ZFHX4: variants seen among roughly 807,000 people sequenced by gnomAD.
ZFHX4 encodes zinc finger homeobox protein 4.
A neutral mutation model predicts 267.6 loss-of-function variants in ZFHX4; 56 were observed. The ratio of observed to expected loss-of-function variants is 0.21; its 90% CI spans 0.17 to 0.26. ZFHX4 has a LOEUF of 0.26. Ranked by LOEUF, ZFHX4 falls within the 10% of genes least tolerant of loss-of-function variation. The pLI, the probability that ZFHX4 is intolerant of heterozygous loss-of-function variation, is 1.00. For synonymous variants in ZFHX4, 1,778 were observed against 1,665.6 expected (o/e 1.07, Z -1.64); for missense variants, 4,332 against 4,420.0 (o/e 0.98, Z 0.56).
intron 3 of ZFHX4, among the ~76,000 whole-genome samples, chr8:76,745,457 T>C (rs1285198718): frequency 6.6e-6 from 1 of 152,196 alleles, no homozygotes; most frequent in Non-Finnish European, 1.5e-5. Flanking sequence ...TACTGAATAA[T>C]GGCATTTTGT....
intron 3 of ZFHX4, among the ~76,000 whole-genome samples, chr8:76,720,751 G>T (rs1027935837): frequency 2.6e-5 from 4 of 152,000 alleles, no homozygotes; most frequent in Non-Finnish European, 1.5e-5. Flanking sequence ...GCACTTATTT[G>T]GTGTCATGAT....
chr8:76,781,551 A>G (rs1245968778), intron 4 of ZFHX4, among the ~76,000 whole-genome samples: 1 of 152,072 alleles, frequency 6.6e-6, no homozygotes, highest in Non-Finnish European at 1.5e-5. Flanking sequence ...TTAACTTTTC[A>G]TTTGATTTTG....
chr8:76,771,014 T>C (rs1810249699), intron 3 of ZFHX4, among the ~76,000 whole-genome samples: 1 of 152,134 alleles, frequency 6.6e-6, no homozygotes, highest in African/African-American at 2.4e-5. Flanking sequence ...GGGGTGATGG[T>C]TGTTAAACTG....
chr8:76,764,657 A>C (rs1810005860), intron 3 of ZFHX4, among the ~76,000 whole-genome samples: 1 of 152,222 alleles, frequency 6.6e-6, no homozygotes, highest in East Asian at 1.9e-4. Flanking sequence ...TCACTTCAAA[A>C]GGACCAGTAC....
At chr8:76,747,998 T>C (rs922302724) in intron 3 of ZFHX4, among the ~76,000 whole-genome samples, 1 of 152,196 alleles carries the variant, frequency 6.6e-6, no homozygotes, top group Non-Finnish European at 1.5e-5. Context: ...TTCTGTATCT[T>C]CCTTCTGTCC....
intron 6 of ZFHX4, among the ~76,000 whole-genome samples, chr8:76,843,533 A>G (rs1563553668): frequency 6.6e-6 from 1 of 152,172 alleles, no homozygotes; most frequent in Non-Finnish European, 1.5e-5. Context: ...GATTTGGCAA[A>G]TATATGACTT....
chr8:76,753,327 T>C (rs1253648430), intron 3 of ZFHX4, among the ~76,000 whole-genome samples: 1 of 152,314 alleles, frequency 6.6e-6, no homozygotes, highest in East Asian at 1.9e-4. Context: ...TTTGCTTCAG[T>C]AGTGCTACAG....
intron 5 of ZFHX4, chr8:76,834,098 A>T (rs187947013): frequency 2.2e-6 from 1 of 447,178 alleles, no homozygotes; most frequent in African/African-American, 2.0e-5. Context: ...ATATATATAT[A>T]TCATTGTCTT....
At chr8:76,842,607 C>T (rs2131915955) in intron 5 of ZFHX4, 48 bp from the exon 6 acceptor site, 1 of 1,422,708 alleles carries the variant, frequency 7.0e-7, no homozygotes, top group Middle Eastern at 1.8e-4. Context: ...TCAGTGTGAA[C>T]TTTTGGGCGG....
intron 6 of ZFHX4, among the ~76,000 whole-genome samples, chr8:76,847,804 T>A (rs1812403889): frequency 6.6e-6 from 1 of 152,290 alleles, no homozygotes; most frequent in Admixed American, 6.5e-5. Context: ...AAAACTGGGT[T>A]ATTTTGCAAT....
In ZFHX4 at chr8:76,853,884, C is replaced by T; in HGVS notation, c.6963C>T (p.Phe2321=). The change falls in exon 10 of 11, where the codon TTC becomes TTT. Residue 2321 remains phenylalanine (F), a synonymous_variant. Transcript: ENST00000651372. ...QYQCKKCNVV[F]PRIFDLITHQ... ...AGTGTAAAAAGTGCAATGTGGTTTT[C>T]CCCAGGATCTTTGACTTGATTACGC... 6.2e-7 allele frequency: 1 copy of T among 1,613,866 alleles called. No homozygotes were observed. The highest frequency in any genetic ancestry group is 8.5e-7 in the Non-Finnish European group (1 of 1,179,862).
intron 4 of ZFHX4, among the ~76,000 whole-genome samples, chr8:76,815,979 C>T (rs553315122): frequency 2.6e-5 from 4 of 152,274 alleles, no homozygotes; most frequent in South Asian, 2.1e-4. Flanking sequence ...GAGGTCTTGT[C>T]GTTAACCTTG....
chr8:76,803,247 T>G (rs73237585), intron 4 of ZFHX4, among the ~76,000 whole-genome samples: 4,398 of 151,788 alleles, frequency 0.029, 204 homozygotes, highest in African/African-American at 0.095. Flanking sequence ...TGTGTGTGTG[T>G]GCATGCGCGT....
intron 4 of ZFHX4, among the ~76,000 whole-genome samples, chr8:76,825,762 A>C (rs946989786): frequency 6.6e-6 from 1 of 152,212 alleles, no homozygotes; most frequent in African/African-American, 2.4e-5. Context: ...GAAATTAGAG[A>C]GTCAAGAAAG....
intron 3 of ZFHX4, among the ~76,000 whole-genome samples, chr8:76,763,279 G>C (rs1421093787): frequency 1.3e-4 from 20 of 152,156 alleles, no homozygotes; most frequent in Admixed American, 1.3e-3. Context: ...CAGCGATAAG[G>C]ACCTTAGATG....
At chr8:76,860,290 C>T (rs1812832902) in intron 10 of ZFHX4, among the ~76,000 whole-genome samples, 1 of 151,930 alleles carries the variant, frequency 6.6e-6, no homozygotes, top group African/African-American at 2.4e-5. Flanking sequence ...AGCTTTTTGC[C>T]TCAAGATGTT....
At chr8:76,862,946 G>C (rs897544978) in intron 10 of ZFHX4, 148 bp from the exon 11 acceptor site, 1 of 1,177,332 alleles carries the variant, frequency 8.5e-7, no homozygotes, top group South Asian at 2.4e-5. Flanking sequence ...TGAAGTTCTA[G>C]GTGGTGATCA....
intron 4 of ZFHX4, among the ~76,000 whole-genome samples, chr8:76,815,268 A>G (rs752813586): frequency 1.3e-5 from 2 of 152,202 alleles, no homozygotes; most frequent in Admixed American, 6.5e-5. Context: ...AGGTTGTAAA[A>G]CTAAGCTCAC....
rs371691181 is a variant in ZFHX4, at chr8:76,850,315, G to A, written c.3917G>A (p.Arg1306Gln). The A allele has an allele frequency of 6.8e-6, 11 of 1,613,006 alleles. No individual in the cohort carries two copies. Among genetic ancestry groups the A allele is most frequent in the South Asian group, 3.3e-5 (3 of 90,780 alleles). Residue 1306 changes from arginine to glutamine, a missense_variant, in exon 9 of 11, where the codon CGG (arginine) becomes CAG (glutamine). Physicochemically the swap from Arg to Gln is conservative, Grantham distance 43. Transcript: ENST00000651372. ...GCAGCTGCCTCTGAGAAATCAGAGC[G>A]GGACACACCTGCAGCCGTGACAGCT... Reference protein sequence around the residue: ...LPAAASEKSERDTPAAVTAEG... With the variant: ...LPAAASEKSEQDTPAAVTAEG...
Sources: gnomAD v4.1 joint callset for allele counts (sites outside exome capture counted in the v4.1 genomes callset) on GRCh38, gnomAD v4.1.1 for gene constraint, MANE v1.5 for transcripts, NCBI Gene and HGNC (gene_info 2026-07-23, HGNC 2026-07-21) for gene names.